The following NWD1 variants were observed in gnomAD, a reference collection of about 807,000 sequenced individuals.
NWD1 encodes the protein NACHT and WD repeat domain containing 1.
Under a neutral mutation model 135.1 loss-of-function variants are expected in NWD1, and 129 were observed. The ratio of observed to expected loss-of-function variants is 0.96; its 90% CI spans 0.83 to 1.11. NWD1 has a LOEUF of 1.11. Ranked by LOEUF, NWD1 falls within the 50% of genes least tolerant of loss-of-function variation. The pLI is 0.00. For missense variants in NWD1, 1,740 were observed against 1,851.3 expected (o/e 0.94, Z 1.10); for synonymous variants, 773 against 786.0 (o/e 0.98, Z 0.28).
intron 4 of NWD1, among the ~76,000 whole-genome samples, chr19:16,739,645 A>T (rs1016669485): frequency 2.0e-5 from 3 of 152,102 alleles, no homozygotes; most frequent in Non-Finnish European, 4.4e-5. Flanking sequence ...CATGACTCTG[A>T]TTTGTGGGGG....
chr19:16,788,004 A>C (rs994811466), intron 12 of NWD1, among the ~76,000 whole-genome samples: 1 of 135,682 alleles, frequency 7.4e-6, no homozygotes, highest in Non-Finnish European at 1.6e-5. Flanking sequence ...CGAGGTGGGT[A>C]GATCACCTGA....
At chr19:16,753,806 C>G (rs1325621823) in intron 6 of NWD1, among the ~76,000 whole-genome samples, 4 of 151,260 alleles carry the variant, frequency 2.6e-5, no homozygotes, top group Non-Finnish European at 5.9e-5. Context: ...TCAATCCCTC[C>G]CTCCCTCCCT....
chr19:16,803,756 A>T (rs1318166896), intron 17 of NWD1, among the ~76,000 whole-genome samples: 5 of 122,976 alleles, frequency 4.1e-5, no homozygotes, highest in South Asian at 2.5e-4. Context: ...AACTCTACTT[A>T]AAAAAAAAAA....
chr19:16,781,951 G>A (rs977183208), intron 12 of NWD1, among the ~76,000 whole-genome samples: 2 of 151,378 alleles, frequency 1.3e-5, no homozygotes, highest in African/African-American at 4.9e-5. Flanking sequence ...AAAATTAGCT[G>A]GGCGTGATGG....
At chr19:16,764,605 C>G (rs534337636) in intron 9 of NWD1, among the ~76,000 whole-genome samples, 2 of 152,246 alleles carry the variant, frequency 1.3e-5, no homozygotes, top group South Asian at 4.1e-4. Context: ...ATCCATCCAT[C>G]CATCCACCCA....
chr19:16,786,953 A>G (rs1970060297), intron 12 of NWD1, among the ~76,000 whole-genome samples: 1 of 151,992 alleles, frequency 6.6e-6, no homozygotes, highest in Non-Finnish European at 1.5e-5. Context: ...CAGAATCTCC[A>G]TTTGTCTGTT....
In NWD1 at chr19:16,750,420, C is replaced by T. The variant is rs780830235; in HGVS notation, c.1769+9C>T. 23 of 1,529,892 alleles carry T rather than the reference C, an allele frequency of 1.5e-5. No individual in the cohort carries two copies. In the African/African-American group the frequency reaches 3.1e-4, roughly 20 times the overall value. 94.8% of individuals were successfully genotyped at this position (1,529,892 alleles called of 1,614,324 possible). Reference sequence around the variant, plus strand: ...TACATTGTGTCTTCCCGGTAAGTCTCTGTGTTTTGAAACTCTTATTTATTT... The same window carrying T: ...TACATTGTGTCTTCCCGGTAAGTCTTTGTGTTTTGAAACTCTTATTTATTT... On this transcript the variant is annotated intron_variant, in intron 6 of 18. Transcript: ENST00000524140.
chr19:16,731,997 G>C (rs1967589402), intron 3 of NWD1, among the ~76,000 whole-genome samples: 2 of 151,738 alleles, frequency 1.3e-5, no homozygotes, highest in South Asian at 4.2e-4. Flanking sequence ...CGGGCAGATC[G>C]CTTGAGGTCA....
At chr19:16,732,658 A>AAAAAAAAAAAAAG (rs796729484) in intron 3 of NWD1, among the ~76,000 whole-genome samples, 3,235 of 123,358 alleles carry the variant, frequency 0.026, 173 homozygotes, top group Middle Eastern at 0.049. Flanking sequence ...TCATCTCAAA[A>AAAAAAAAAAAAAG]AAAAAAAAAA....
intron 5 of NWD1, among the ~76,000 whole-genome samples, chr19:16,746,696 A>C (rs1038581942): frequency 3.9e-5 from 6 of 152,178 alleles, no homozygotes; most frequent in Non-Finnish European, 8.8e-5. Context: ...AAAACAACAA[A>C]AAAAAACAGT....
Position 16,791,549 on chromosome 19 carries a change from C to G in NWD1, c.3140C>G (p.Thr1047Arg). Residue 1047 changes from threonine (T) to arginine (R), a missense_variant, in exon 14 of 19, where the codon ACA becomes AGA. Physicochemically the swap from Thr to Arg is moderately conservative, Grantham distance 71. Transcript: ENST00000524140. ...KQHMSSIKEE[T>R]PTCAVSVQKQ... ...CATATGTCCAGCATCAAAGAAGAAA[C>G]ACCTACCTGTGCCGTCTCAGTCCAG... 1 of 1,614,174 alleles carries G rather than the reference C, an allele frequency of 6.2e-7. No individual in the cohort carries two copies. The highest frequency in any genetic ancestry group is 1.1e-5 in the South Asian group (1 of 91,088).
At chr19:16,808,288 G>T in intron 18 of NWD1, 152 bp downstream of exon 18, 1 of 696,752 alleles carries the variant, frequency 1.4e-6, no homozygotes. Context: ...AGTGGCTCAC[G>T]CCTGTAATCC....
At position 16,791,556 on chromosome 19, in the gene NWD1, C is replaced by G; in HGVS notation, c.3147C>G (p.Thr1049=). The stretch of plus-strand genomic sequence containing the variant: ...CCAGCATCAAAGAAGAAACACCTAC[C>G]TGTGCCGTCTCAGTCCAGAAGCAAG... ...HMSSIKEETP[T]CAVSVQKQGK... Residue 1049 remains threonine, a synonymous_variant, in exon 14 of 19, where the codon ACC becomes ACG. Coordinates refer to ENST00000524140, the MANE Select transcript of NWD1 (RefSeq NM_001007525.5). 1 of 1,614,182 alleles carries G rather than the reference C, an allele frequency of 6.2e-7. No homozygotes were observed. Among genetic ancestry groups the G allele is most frequent in the Non-Finnish European group, 8.5e-7 (1 of 1,180,028 alleles).
At chr19:16,796,142 T>C (rs1318951194) in intron 15 of NWD1, among the ~76,000 whole-genome samples, 1 of 152,040 alleles carries the variant, frequency 6.6e-6, no homozygotes, top group Non-Finnish European at 1.5e-5. Context: ...TAACATTCAA[T>C]TGGTTAAAAA....
chr19:16,799,005 T>G (rs1038829568), intron 16 of NWD1, among the ~76,000 whole-genome samples: 1 of 151,570 alleles, frequency 6.6e-6, no homozygotes, highest in African/African-American at 2.4e-5. Flanking sequence ...CAGGGCACCC[T>G]CTAAAAAAGG....
Position 16,761,998 on chromosome 19 carries a change from C to T in NWD1, c.1993C>T (p.Arg665Cys), listed in dbSNP as rs147856994. ...IAHRQLVEVV[R>C]ERYLSGSERA... is the part of the protein sequence containing the mutation. ...CTGTAGACAGCTGGTCGAGGTGGTC[C>T]GTGAGCGCTACCTGTCAGGATCCGA... The change falls in exon 8 of 19, where the codon CGT (arginine) becomes TGT (cysteine). Residue 665 changes from arginine to cysteine, a missense_variant. By Grantham distance (180) the Arg-to-Cys change is radical (BLOSUM62 -3). Transcript: ENST00000524140. The T allele has an allele frequency of 3.7e-5, 59 of 1,613,886 alleles. No homozygotes were observed. The East Asian group carries it at 9.1e-4, about 25-fold the overall frequency.
intron 17 of NWD1, among the ~76,000 whole-genome samples, chr19:16,806,226 G>A (rs1228850591): frequency 2.0e-5 from 3 of 152,130 alleles, no homozygotes; most frequent in African/African-American, 7.2e-5. Flanking sequence ...GCCAAGTACT[G>A]TTGGTGAGAA....
At chr19:16,780,555 G>T (rs1429535447) in intron 12 of NWD1, among the ~76,000 whole-genome samples, 1 of 152,178 alleles carries the variant, frequency 6.6e-6, no homozygotes, top group Non-Finnish European at 1.5e-5. Flanking sequence ...TTGACCAAAG[G>T]AATTCACAAG....
chr19:16,807,281 G>C (rs1970777096), intron 17 of NWD1, among the ~76,000 whole-genome samples: 1 of 151,894 alleles, frequency 6.6e-6, no homozygotes, highest in Non-Finnish European at 1.5e-5. Context: ...ATCACCTGAG[G>C]TTGGGAGTTA....
Sources: gnomAD v4.1 joint callset for allele counts (sites outside exome capture counted in the v4.1 genomes callset) on GRCh38, gnomAD v4.1.1 for gene constraint, MANE v1.5 for transcripts, NCBI Gene and HGNC (gene_info 2026-07-23, HGNC 2026-07-21) for gene names.